Variants in PPP4R2 observed in about 807,000 individuals in gnomAD.
PPP4R2 encodes the protein serine/threonine-protein phosphatase 4 regulatory subunit 2.
PPP4R2 carries 13 observed loss-of-function variants against 47.2 expected under a neutral mutation model. The ratio of observed to expected loss-of-function variants is 0.28; its 90% CI spans 0.18 to 0.44. The LOEUF (loss-of-function observed/expected upper bound fraction) is 0.44, where lower values mean the gene tolerates loss of function less well. Among genes scored for constraint, PPP4R2 ranks in the 20% least tolerant of loss-of-function variants. The pLI is 1.00. For missense variants in PPP4R2, 421 were observed against 491.2 expected (o/e 0.86, Z 1.35); for synonymous variants, 151 against 163.3 (o/e 0.92, Z 0.57).
rs753071231 is a variant in PPP4R2, at chr3:73,061,045, T to C, written c.404T>C (p.Val135Ala). 1 of 1,543,894 alleles carries C rather than the reference T, an allele frequency of 6.5e-7. No homozygotes were observed. Among genetic ancestry groups the C allele is most frequent in the South Asian group, 1.2e-5 (1 of 80,586 alleles). Residue 135 changes from valine (V) to alanine (A), a missense_variant, in exon 5 of 9, where the codon GTT (valine) becomes GCT (alanine). Coordinates refer to ENST00000356692, the MANE Select transcript of PPP4R2 (RefSeq NM_174907.4). ...CAGAATGTGATGGTTGTTAGCTGTG[T>C]TTATCCTTCTTCAGAGTAAGTATAT... is the stretch of plus-strand genomic sequence containing the variant. ...VEKNVMVVSC[V>A]YPSSEKNNSN...
chr3:73,021,940 A>G (rs1479119564), intron 2 of PPP4R2, among the ~76,000 whole-genome samples: 9 of 139,716 alleles, frequency 6.4e-5, no homozygotes, highest in African/African-American at 2.4e-4. Flanking sequence ...TCTGTTGTTC[A>G]GGTTGGAGTG....
intron 2 of PPP4R2, among the ~76,000 whole-genome samples, chr3:73,026,457 TATC>T (rs1342257051): frequency 6.6e-6 from 1 of 151,832 alleles, no homozygotes; most frequent in Non-Finnish European, 1.5e-5. Flanking sequence ...AGCCCACTTC[TATC>T]ATCATATATA....
At chr3:73,057,711 G>C (rs931105818) in intron 3 of PPP4R2, among the ~76,000 whole-genome samples, 9 of 152,050 alleles carry the variant, frequency 5.9e-5, no homozygotes, top group African/African-American at 2.2e-4. Flanking sequence ...AAGAATATGA[G>C]AACCAAATGT....
chr3:73,055,947 C>T (rs1702724447), intron 3 of PPP4R2, among the ~76,000 whole-genome samples: 1 of 152,144 alleles, frequency 6.6e-6, no homozygotes, highest in South Asian at 2.1e-4. Context: ...TAATGAACAT[C>T]TGATCACCAC....
At chr3:73,054,751 T>C (rs1275578615) in intron 3 of PPP4R2, among the ~76,000 whole-genome samples, 3 of 152,206 alleles carry the variant, frequency 2.0e-5, no homozygotes, top group African/African-American at 7.2e-5. Flanking sequence ...TTAAGGTAGT[T>C]AAACTGATTT....
chr3:73,043,761 C>T (rs1360142422), intron 2 of PPP4R2, among the ~76,000 whole-genome samples: 2 of 152,150 alleles, frequency 1.3e-5, no homozygotes, highest in African/African-American at 4.8e-5. Flanking sequence ...TGAAATATAC[C>T]TAATGTAAAC....
At chr3:73,017,563 GAGAA>G (rs563038184) in intron 2 of PPP4R2, among the ~76,000 whole-genome samples, 21 of 152,010 alleles carry the variant, frequency 1.4e-4, no homozygotes, top group African/African-American at 4.8e-4. Context: ...AAGAGTGAGA[GAGAA>G]AGAGATTGGT....
Position 73,065,427 on chromosome 3 carries a change from C to T in PPP4R2, c.959C>T (p.Pro320Leu). The change falls in exon 9 of 9, where the codon CCA (proline) becomes CTA (leucine). Residue 320 changes from proline to leucine, a missense_variant. By Grantham distance (98) the Pro-to-Leu change is moderately conservative. Transcript: ENST00000356692. ...TTTATGACATCAAGAGAAATGATCC[C>T]AGAAAGAAAAAATCAAGAAAAAGAA... The part of the protein sequence containing the change: ...ESFMTSREMI[P>L]ERKNQEKESD... 2 of 1,602,414 alleles carry T rather than the reference C, an allele frequency of 1.2e-6. No individual in the cohort carries two copies. Among genetic ancestry groups the T allele is most frequent in the Non-Finnish European group, 1.7e-6 (2 of 1,174,892 alleles).
intron 2 of PPP4R2, among the ~76,000 whole-genome samples, chr3:73,017,116 G>T (rs1169412834): frequency 2.0e-5 from 3 of 151,942 alleles, no homozygotes; most frequent in Non-Finnish European, 4.4e-5. Flanking sequence ...AATGGGATAT[G>T]GCCTATGTTG....
chr3:73,009,976 C>G (rs1342596182), intron 2 of PPP4R2, among the ~76,000 whole-genome samples: 5 of 152,154 alleles, frequency 3.3e-5, no homozygotes, highest in East Asian at 3.8e-4. Flanking sequence ...GTGTGGAAAT[C>G]TACATGTAAC....
chr3:73,021,034 T>C (rs1319335118), intron 2 of PPP4R2, among the ~76,000 whole-genome samples: 1 of 152,138 alleles, frequency 6.6e-6, no homozygotes, highest in Non-Finnish European at 1.5e-5. Flanking sequence ...GTAACACTTG[T>C]CAAAGATTTG....
chr3:73,054,614 C>CT (rs11422279), intron 3 of PPP4R2, among the ~76,000 whole-genome samples: 4,028 of 151,122 alleles, frequency 0.027, 151 homozygotes, highest in African/African-American at 0.086. Flanking sequence ...ACTGTTTTGA[C>CT]TTTTTTTTTA....
chr3:73,047,694 C>T (rs942273605), intron 3 of PPP4R2, among the ~76,000 whole-genome samples: 1 of 152,020 alleles, frequency 6.6e-6, no homozygotes, highest in Non-Finnish European at 1.5e-5. Context: ...TCTTTTAAAA[C>T]GAAATACTAA....
In PPP4R2 at chr3:72,998,089, G is replaced by A. The variant is rs116717282; in HGVS notation, c.47G>A (p.Arg16Lys). 1.0e-3 allele frequency: 1,639 copies of A among 1,602,282 alleles called. 9 individuals are homozygous for A. In the African/African-American group the frequency reaches 0.016, roughly 16 times the overall value. The change falls in exon 2 of 9, where the codon AGG (arginine) becomes AAG (lysine). Residue 16 changes from arginine to lysine, a missense_variant. Arg to Lys is a conservative substitution (Grantham distance 26, BLOSUM62 2). Around this residue, in one of 2 missense-constraint regions of PPP4R2, gnomAD observed 104 missense variants for 203.7 expected, o/e 0.51. Coordinates refer to ENST00000356692, the MANE Select transcript of PPP4R2 (RefSeq NM_174907.4). ...LQEALKDFEK[R>K]GKKEVCPVLD... ...TTCCTTCATCTAGATTTTGAGAAGA[G>A]GGGGAAAAAGGAAGTTTGTCCTGTC...
At chr3:73,021,441 T>A (rs1701957942) in intron 2 of PPP4R2, among the ~76,000 whole-genome samples, 1 of 152,084 alleles carries the variant, frequency 6.6e-6, no homozygotes, top group South Asian at 2.1e-4. Context: ...TTTGCCCTTT[T>A]GCCCAGGCTG....
chr3:73,063,033 T>TAAAAAG (rs1185082256), intron 5 of PPP4R2: 4 of 854,086 alleles, frequency 4.7e-6, no homozygotes, highest in Non-Finnish European at 7.4e-6. Flanking sequence ...AAACAATGGT[T>TAAAAAG]AAAAAGGCAT....
rs1238303618 is a variant in PPP4R2, at chr3:73,068,331, A to G, written c.*2609A>G. 6.6e-6 allele frequency: 1 copy of G among 152,142 alleles called. No homozygotes were observed. The highest frequency in any genetic ancestry group is 2.4e-5 in the African/African-American group (1 of 41,412). 9.4% of individuals were successfully genotyped at this position (152,142 alleles called of 1,614,324 possible). On this transcript the variant is annotated 3_prime_UTR_variant, in exon 9 of 9. Coordinates refer to ENST00000356692, the MANE Select transcript of PPP4R2 (RefSeq NM_174907.4). The stretch of plus-strand genomic sequence containing the variant: ...CCTGTTCTCTAGACTATAACCCAAC[A>G]TGTAAAAAAAATTTGAAGATGGTGA...
chr3:73,011,248 G>C (rs1486698585), intron 2 of PPP4R2, among the ~76,000 whole-genome samples: 1 of 152,226 alleles, frequency 6.6e-6, no homozygotes, highest in African/African-American at 2.4e-5. Flanking sequence ...GGGAGGCCGA[G>C]GCGGGTGGAT....
At chr3:73,034,137 TGTG>T (rs1261847831) in intron 2 of PPP4R2, among the ~76,000 whole-genome samples, 4 of 115,962 alleles carry the variant, frequency 3.4e-5, no homozygotes, top group African/African-American at 1.3e-4. Context: ...TGTGTGTGGG[TGTG>T]TGTATTTTTT....
Sources: allele counts gnomAD v4.1 joint callset (sites outside exome capture counted in the v4.1 genomes callset), GRCh38; gene constraint gnomAD v4.1.1; regional missense constraint gnomAD v4.1.1; transcripts MANE v1.5; gene names NCBI Gene and HGNC (gene_info 2026-07-23, HGNC 2026-07-21).